ITGA4: variants seen among roughly 807,000 people sequenced by gnomAD.
The protein encoded by ITGA4 is integrin subunit alpha 4.
Under a neutral mutation model 133.6 loss-of-function variants are expected in ITGA4, and 63 were observed. That is an observed-to-expected ratio of 0.47 (90% CI 0.38 to 0.58). The LOEUF is 0.58. ITGA4 is among the 20% of genes least tolerant of loss of function. The probability of loss-of-function intolerance (pLI) is 0.00; values close to 1 mark genes in which losing one functional copy is unlikely to be tolerated. For missense variants in ITGA4, 1,076 were observed against 1,252.7 expected, an observed-to-expected ratio of 0.86 and a Z score of 2.13; for synonymous variants, 483 against 438.0, an observed-to-expected ratio of 1.10 and a Z score of -1.28.
At chr2:181,457,969 C>T (rs1230554583) in intron 1 of ITGA4, 118 bp downstream of exon 1, 1 of 1,160,282 alleles carries the variant, frequency 8.6e-7, no homozygotes, top group Non-Finnish European at 1.2e-6. Context: ...GAGGGAAACG[C>T]TGCGAGAGCC....
chr2:181,537,707 A>T lies in ITGA4; in HGVS notation c.*2180A>T, dbSNP rs1055569507. The T allele has an allele frequency of 2.4e-6, 1 of 425,138 alleles. No homozygotes were observed. Among genetic ancestry groups the T allele is most frequent in the African/African-American group, 2.1e-5 (1 of 47,352 alleles). 26.3% of individuals were successfully genotyped at this position (425,138 alleles called of 1,614,324 possible). A position where few individuals can be genotyped will look rare whatever the true frequency, so the allele number is the denominator to read the frequency against. The stretch of plus-strand genomic sequence containing the variant: ...AATATTGATGTATTATGATGGTTGC[A>T]AAGTTTTTTTGTGTGTCCAATAAAC... On this transcript the variant is annotated 3_prime_UTR_variant, in exon 28 of 28. Coordinates refer to ENST00000397033, the MANE Select transcript of ITGA4 (RefSeq NM_000885.6).
intron 5 of ITGA4, chr2:181,479,276 G>C (rs1054885786): frequency 6.6e-6 from 1 of 152,030 alleles, no homozygotes; most frequent in Admixed American, 6.6e-5. Context: ...ATATTCCCAA[G>C]ATTTCTTACT....
intron 2 of ITGA4, among the ~76,000 whole-genome samples, chr2:181,465,856 T>C (rs72896186): frequency 0.1 from 15,221 of 152,156 alleles, 976 homozygotes; most frequent in East Asian, 0.28. Flanking sequence ...TGCTTAGTCA[T>C]CCCTTGTTTC....
chr2:181,538,149 C>CTAGTT lies in ITGA4; in HGVS notation c.*2624_*2628dup, dbSNP rs752704341. The stretch of plus-strand genomic sequence containing the variant: ...GGCCACATTTCTTTATATTAAAATT[C>CTAGTT]TAGTTTGTACATTTCTTTTAGAAAC... On this transcript the variant is annotated 3_prime_UTR_variant, in exon 28 of 28. Transcript: ENST00000397033. 5 of 1,383,622 alleles carry CTAGTT rather than the reference C, an allele frequency of 3.6e-6. No homozygotes were observed. The highest frequency in any genetic ancestry group is 5.1e-6 in the Non-Finnish European group (5 of 975,516). The allele number at this position is 1,383,622 out of a possible 1,614,324, so 85.7% of individuals were successfully genotyped here.
At chr2:181,473,258 G>T (rs1260688355) in intron 2 of ITGA4, among the ~76,000 whole-genome samples, 1 of 152,204 alleles carries the variant, frequency 6.6e-6, no homozygotes, top group Non-Finnish European at 1.5e-5. Context: ...GCCTCTGTCA[G>T]ATCAGTGGTG....
At chr2:181,515,416 A>G (rs538027741) in intron 17 of ITGA4, among the ~76,000 whole-genome samples, 1 of 152,196 alleles carries the variant, frequency 6.6e-6, no homozygotes, top group Non-Finnish European at 1.5e-5. Context: ...TTGAAATATT[A>G]TGGTTGGAAT....
In ITGA4 at chr2:181,495,506, C is replaced by A; in HGVS notation, c.1385+90C>A. The stretch of plus-strand genomic sequence containing the variant: ...TGTTTAAAATCAGCAGTGGTAGTGA[C>A]CTCATGATGCTCTTTTGGTATTCTG... On this transcript the variant is annotated intron_variant, in intron 13 of 27. Coordinates refer to ENST00000397033, the MANE Select transcript of ITGA4 (RefSeq NM_000885.6). The surrounding 1 kb of genome is among the most constrained non-coding windows in gnomAD (Gnocchi z 4.3). The A allele has an allele frequency of 1.1e-6, 1 of 924,776 alleles. No individual in the cohort carries two copies. Among genetic ancestry groups the A allele is most frequent in the South Asian group, 1.4e-5 (1 of 73,788 alleles). The allele number at this position is 924,776 out of a possible 1,614,324, so 57.3% of individuals were successfully genotyped here.
At chr2:181,507,416 T>C (rs1686415609) in intron 15 of ITGA4, among the ~76,000 whole-genome samples, 1 of 152,122 alleles carries the variant, frequency 6.6e-6, no homozygotes, top group African/African-American at 2.4e-5. Flanking sequence ...CTTACCCTTT[T>C]AGATAAGGAG....
rs200651237 is a variant in ITGA4, at chr2:181,475,308, C to T, written c.556+20C>T. On this transcript the variant is annotated intron_variant, in intron 4 of 27. Transcript: ENST00000397033. ...ATCAAGGTAAGGCATGATTTTGATACGAATTAGATAAAGATAAGTAAGTGA... is the reference window on the plus strand; with the variant it reads ...ATCAAGGTAAGGCATGATTTTGATATGAATTAGATAAAGATAAGTAAGTGA... 211 of 1,585,856 alleles carry T rather than the reference C, an allele frequency of 1.3e-4. No individual in the cohort carries two copies. The highest frequency in any genetic ancestry group is 1.8e-4 in the Non-Finnish European group (205 of 1,158,464).
chr2:181,522,362 T>C, intron 18 of ITGA4, 21 bp downstream of exon 18: 1 of 1,533,052 alleles, frequency 6.5e-7, no homozygotes, highest in African/African-American at 1.4e-5. Context: ...TAAACCACAA[T>C]AGCATGATAC....
chr2:181,499,333 G>T (rs1686221811), intron 15 of ITGA4, among the ~76,000 whole-genome samples: 1 of 152,130 alleles, frequency 6.6e-6, no homozygotes, highest in Admixed American at 6.6e-5. Flanking sequence ...TTTGGGGTAT[G>T]TCCTGCCAAA....
intron 21 of ITGA4, 95 bp downstream of exon 21, chr2:181,525,386 T>C (rs1441697942): frequency 3.1e-6 from 2 of 645,006 alleles, no homozygotes; most frequent in Non-Finnish European, 5.3e-6. Context: ...TAGAATTTTT[T>C]TAAAATAAAA....
chr2:181,530,875 T>A (rs775840413), intron 24 of ITGA4, among the ~76,000 whole-genome samples: 3 of 152,098 alleles, frequency 2.0e-5, no homozygotes, highest in Non-Finnish European at 4.4e-5. Context: ...ACGCCTGTAA[T>A]CCCAGCACTT....
chr2:181,526,805 G>C (rs1042141470), intron 21 of ITGA4, among the ~76,000 whole-genome samples: 2 of 121,096 alleles, frequency 1.7e-5, no homozygotes, highest in Admixed American at 1.8e-4. Context: ...TTGTCACCCA[G>C]GTCAGAGCAC....
rs199974800 is a variant in ITGA4, at chr2:181,530,659, A to G, written c.2664+10A>G. Reference sequence around the variant, plus strand: ...TGATAAGAGGCTATTGGTAAGTTTCAGTTTTTCAGGTTGTAGTTCCTGCTT... The same window carrying G: ...TGATAAGAGGCTATTGGTAAGTTTCGGTTTTTCAGGTTGTAGTTCCTGCTT... On this transcript the variant is annotated intron_variant, in intron 24 of 27. Transcript: ENST00000397033. 23 of 1,607,154 alleles carry G rather than the reference A, an allele frequency of 1.4e-5. No individual in the cohort carries two copies. The highest frequency in any genetic ancestry group is 2.0e-5 in the Non-Finnish European group (23 of 1,175,412).
chr2:181,529,012 CT>C (rs1354583204), intron 22 of ITGA4, among the ~76,000 whole-genome samples: 1 of 152,196 alleles, frequency 6.6e-6, no homozygotes, highest in Admixed American at 6.5e-5. Context: ...TTTTTATTCA[CT>C]TTCTCCTGCT....
rs77229452 is a variant in ITGA4 at position 181,495,562 on chromosome 2, T to C, written c.1385+146T>C. 3.1e-3 allele frequency: 2,270 copies of C among 741,196 alleles called. 57 individuals are homozygous for C. In the East Asian group the frequency reaches 0.052, roughly 17 times the overall value. The allele number at this position is 741,196 out of a possible 1,614,324, so 45.9% of individuals were successfully genotyped here. Reference sequence around the variant, plus strand: ...TAATTATTGATTTTTAGGGTATTTTTTTCACCTTACAGAGATATAATTAAA... The same window carrying C: ...TAATTATTGATTTTTAGGGTATTTTCTTCACCTTACAGAGATATAATTAAA... On this transcript the variant is annotated intron_variant, in intron 13 of 27. Transcript: ENST00000397033. The surrounding 1 kb of genome is among the most constrained non-coding windows in gnomAD (Gnocchi z 4.3).
At chr2:181,501,160 T>C (rs1306965410) in intron 15 of ITGA4, among the ~76,000 whole-genome samples, 2 of 152,132 alleles carry the variant, frequency 1.3e-5, no homozygotes, top group East Asian at 1.9e-4. Context: ...CTGGCCCCCA[T>C]CTAGAATCCC....
intron 2 of ITGA4, among the ~76,000 whole-genome samples, chr2:181,466,508 C>A (rs1479646659): frequency 6.6e-6 from 1 of 152,052 alleles, no homozygotes; most frequent in Non-Finnish European, 1.5e-5. Context: ...CTCCACTAGA[C>A]TAGCTGGAGG....
Sources: allele counts gnomAD v4.1 joint callset (sites outside exome capture counted in the v4.1 genomes callset), GRCh38; gene constraint gnomAD v4.1.1; non-coding constraint Gnocchi (gnomAD v3.1); transcripts MANE v1.5; gene names NCBI Gene and HGNC (gene_info 2026-07-23, HGNC 2026-07-21).